TMEM63C: variants seen among roughly 807,000 people sequenced by gnomAD.
The protein encoded by TMEM63C is transmembrane protein 63C.
In TMEM63C, 32 loss-of-function variants were observed where a neutral mutation model predicts 99.2. The ratio of observed to expected loss-of-function variants is 0.32; its 90% CI spans 0.24 to 0.43. TMEM63C has a LOEUF of 0.43. Among genes scored for constraint, TMEM63C ranks in the 20% least tolerant of loss-of-function variants. The pLI is 1.00. For missense variants in TMEM63C, 826 were observed against 1,053.0 expected (o/e 0.78, Z 2.98); for synonymous variants, 376 against 397.9 (o/e 0.94, Z 0.66).
chr14:77,233,229 G>A (rs940064879), intron 7 of TMEM63C, among the ~76,000 whole-genome samples: 45 of 152,178 alleles, frequency 3.0e-4, no homozygotes, highest in African/African-American at 1.0e-3. Context: ...ACACAAAGAA[G>A]TGTTCTCGCT....
intron 3 of TMEM63C, among the ~76,000 whole-genome samples, chr14:77,219,281 A>G (rs901403940): frequency 6.6e-6 from 1 of 152,138 alleles, no homozygotes. Context: ...GCTCCATTCA[A>G]TGAACTCTGA....
At position 77,247,974 on chromosome 14, in the gene TMEM63C, AT is replaced by A. The variant is rs1384596241; in HGVS notation, c.1602-367del. On this transcript the variant is annotated intron_variant, in intron 18 of 23. Transcript: ENST00000298351. Reference sequence around the variant, plus strand: ...AGAGATTAGTGAAAATAAAGATGTTATTTTTTCCCATCCTAGTTTACAGACC... The same window carrying A: ...AGAGATTAGTGAAAATAAAGATGTTATTTTTCCCATCCTAGTTTACAGACC... 2.0e-5 allele frequency among the ~76,000 whole-genome samples: 3 copies of A among 152,140 alleles called. No homozygotes were observed. The East Asian group carries it at 5.8e-4, about 29-fold the overall frequency.
chr14:77,255,052 A>C (rs1889438230), intron 23 of TMEM63C, among the ~76,000 whole-genome samples: 1 of 152,198 alleles, frequency 6.6e-6, no homozygotes, highest in African/African-American at 2.4e-5. Flanking sequence ...GTGAAGTGGC[A>C]CCATCTTGGC....
In TMEM63C at chr14:77,240,588, G is replaced by A. The variant is rs1452137029; in HGVS notation, c.1044G>A (p.Gln348=). The A allele has an allele frequency of 6.2e-7, 1 of 1,610,528 alleles. No individual in the cohort carries two copies. Among genetic ancestry groups the A allele is most frequent in the Non-Finnish European group, 8.5e-7 (1 of 1,179,850 alleles). Residue 348 remains glutamine, a synonymous_variant, in exon 13 of 24, where the codon CAG becomes CAA. Coordinates refer to ENST00000298351, the MANE Select transcript of TMEM63C (RefSeq NM_020431.4). ...TGGACCTGATCTTTGTCACCTTCCAGGACTCCAGGATGGCCAAGCGGTGAG... is the reference window on the plus strand; with the variant it reads ...TGGACCTGATCTTTGTCACCTTCCAAGACTCCAGGATGGCCAAGCGGTGAG... ...KRLDLIFVTF[Q]DSRMAKRVRK...
intron 1 of TMEM63C, among the ~76,000 whole-genome samples, chr14:77,210,084 G>A (rs1275945831): frequency 1.3e-5 from 2 of 152,144 alleles, no homozygotes; most frequent in Non-Finnish European, 2.9e-5. Context: ...CCTTATTTAG[G>A]AGGAGTGACA....
chr14:77,197,523 C>T (rs538945463), intron 1 of TMEM63C, among the ~76,000 whole-genome samples: 1 of 152,324 alleles, frequency 6.6e-6, no homozygotes, highest in East Asian at 1.9e-4. Flanking sequence ...ATGGGGTTAA[C>T]AATAGTACCC....
intron 1 of TMEM63C, among the ~76,000 whole-genome samples, chr14:77,183,695 C>T (rs1022210848): frequency 2.6e-5 from 4 of 152,196 alleles, no homozygotes; most frequent in African/African-American, 9.7e-5. Flanking sequence ...CCTTTTCAGA[C>T]ACCCTCTGAG....
At chr14:77,248,283 C>T (rs1889297700) in intron 18 of TMEM63C, 64 bp from the exon 19 acceptor site, 1 of 1,468,112 alleles carries the variant, frequency 6.8e-7, no homozygotes, top group Non-Finnish European at 9.3e-7. Flanking sequence ...TCTCTCCTCC[C>T]TTTTAACATC....
chr14:77,185,434 G>C (rs12323330), intron 1 of TMEM63C, among the ~76,000 whole-genome samples: 3,189 of 152,314 alleles, frequency 0.021, 115 homozygotes, highest in African/African-American at 0.074. Context: ...CTCTGGCTGA[G>C]TCTTCTCAGA....
At position 77,256,858 on chromosome 14, in the gene TMEM63C, A is replaced by G; in HGVS notation, c.*132A>G. On this transcript the variant is annotated 3_prime_UTR_variant, in exon 24 of 24. Coordinates refer to ENST00000298351, the MANE Select transcript of TMEM63C (RefSeq NM_020431.4). ...TGAGAAGCCCACAGTGGAGACATCCACCACCCCAGCCATGGGCCATACGGG... is the reference window on the plus strand; with the variant it reads ...TGAGAAGCCCACAGTGGAGACATCCGCCACCCCAGCCATGGGCCATACGGG... The G allele has an allele frequency of 3.6e-6, 3 of 833,890 alleles. No individual in the cohort carries two copies. Among genetic ancestry groups the G allele is most frequent in the South Asian group, 1.8e-5 (1 of 56,388 alleles). 51.7% of individuals were successfully genotyped at this position (833,890 alleles called of 1,614,324 possible).
At chr14:77,199,110 CAG>C (rs955589871) in intron 1 of TMEM63C, among the ~76,000 whole-genome samples, 8 of 152,268 alleles carry the variant, frequency 5.3e-5, no homozygotes, top group African/African-American at 1.7e-4. Flanking sequence ...GGAGGGCAAT[CAG>C]GGGTGCCGGA....
intron 1 of TMEM63C, among the ~76,000 whole-genome samples, chr14:77,194,513 C>CTTTA (rs1888174188): frequency 2.5e-5 from 1 of 39,730 alleles, no homozygotes; most frequent in Non-Finnish European, 4.7e-5. Context: ...TTCTTTCTTT[C>CTTTA]TTTCTTTCTT....
rs1258043228 is a variant in TMEM63C, at chr14:77,220,896, T to C, written c.312+809T>C. On this transcript the variant is annotated intron_variant, in intron 5 of 23. Coordinates refer to ENST00000298351, the MANE Select transcript of TMEM63C (RefSeq NM_020431.4). The stretch of plus-strand genomic sequence containing the variant: ...CTCCCACTCACGCCCCGCCTCCCAC[T>C]CACGCCCCGCCTCCCACTCACGCCT... Among the ~76,000 whole-genome samples the C allele has an allele frequency of 5.8e-4, 21 of 36,106 alleles. 4 individuals carry two copies. In the South Asian group the frequency reaches 9.7e-3, roughly 17 times the overall value. The allele number at this position is 36,106 out of a possible 152,430, so 23.7% of individuals were successfully genotyped here. A position where few individuals can be genotyped will look rare whatever the true frequency, so the allele number is the denominator to read the frequency against.
intron 23 of TMEM63C, among the ~76,000 whole-genome samples, chr14:77,253,963 G>A (rs527275191): frequency 6.6e-6 from 1 of 152,218 alleles, no homozygotes; most frequent in Non-Finnish European, 1.5e-5. Context: ...TGCAGCTTCA[G>A]AGCCACCAAT....
At chr14:77,194,497 C>CTTTT (rs56136475) in intron 1 of TMEM63C, among the ~76,000 whole-genome samples, 1 of 114,684 alleles carries the variant, frequency 8.7e-6, no homozygotes, top group Non-Finnish European at 1.8e-5. Context: ...TTTCTTTTTT[C>CTTTT]TTTCTTTCTT....
At chr14:77,240,704 C>T (rs1283218437) in intron 13 of TMEM63C, 96 bp downstream of exon 13, 7 of 1,463,876 alleles carry the variant, frequency 4.8e-6, no homozygotes, top group Non-Finnish European at 6.4e-6. Flanking sequence ...TTCTGCCTCC[C>T]CTGGGCCCTC....
intron 9 of TMEM63C, among the ~76,000 whole-genome samples, chr14:77,238,066 C>T (rs1290659587): frequency 1.3e-5 from 2 of 152,210 alleles, no homozygotes; most frequent in East Asian, 1.9e-4. Flanking sequence ...CACCAGAAGC[C>T]TCTTTCAAGA....
At chr14:77,209,095 G>A (rs1888453577) in intron 1 of TMEM63C, among the ~76,000 whole-genome samples, 1 of 152,132 alleles carries the variant, frequency 6.6e-6, no homozygotes, top group Non-Finnish European at 1.5e-5. Flanking sequence ...CTTAGTTTGT[G>A]GCACAGTTTA....
chr14:77,221,633 C>T (rs66542257), intron 5 of TMEM63C, among the ~76,000 whole-genome samples: 9,246 of 56,476 alleles, frequency 0.16, 1,849 homozygotes, highest in Middle Eastern at 0.3. Flanking sequence ...ACTCTCACCT[C>T]CCCTCCCTCT....
Sources: allele counts gnomAD v4.1 joint callset (sites outside exome capture counted in the v4.1 genomes callset), GRCh38; gene constraint gnomAD v4.1.1; transcripts MANE v1.5; gene names NCBI Gene and HGNC (gene_info 2026-07-23, HGNC 2026-07-21).